RNF138: variants seen among roughly 807,000 people sequenced by gnomAD.
RNF138 encodes E3 ubiquitin-protein ligase RNF138.
A neutral mutation model predicts 31.0 loss-of-function variants in RNF138; 12 were observed. The observed-to-expected ratio is 0.39, with a 90% CI of 0.25 to 0.63. The LOEUF is 0.63. RNF138 is among the 20% of genes least tolerant of loss of function. The pLI, the probability that RNF138 is intolerant of heterozygous loss-of-function variation, is 0.52. For synonymous variants in RNF138, 105 were observed against 99.5 expected (o/e 1.06, Z -0.33); for missense variants, 192 against 300.1 (o/e 0.64, Z 2.66).
At chr18:32,109,642 CTT>C (rs1397900080) in intron 2 of RNF138, 1 of 152,234 alleles carries the variant, frequency 6.6e-6, no homozygotes, top group Non-Finnish European at 1.5e-5. Flanking sequence ...AATCCCAACA[CTT>C]TGGGAGGCTG....
intron 4 of RNF138, among the ~76,000 whole-genome samples, chr18:32,117,836 A>G (rs1456074158): frequency 6.6e-6 from 1 of 152,212 alleles, no homozygotes; most frequent in Non-Finnish European, 1.5e-5. Flanking sequence ...GGCCATTCCT[A>G]TTTTATAACA....
At chr18:32,095,949 C>T (rs2144559461) in intron 2 of RNF138, among the ~76,000 whole-genome samples, 1 of 152,196 alleles carries the variant, frequency 6.6e-6, no homozygotes, top group South Asian at 2.1e-4. Flanking sequence ...GGGATAATTT[C>T]CTAGATGAAG....
Position 32,094,851 on chromosome 18 carries a change from A to G in RNF138, c.110+1965A>G, listed in dbSNP as rs565195457. ...TAATTATCCTTTGGGTCATTGACCT[A>G]ATGGGCCTCATTGTAGTTTTTAGCA... On this transcript the variant is annotated intron_variant, in intron 2 of 7. Coordinates refer to ENST00000261593, the MANE Select transcript of RNF138 (RefSeq NM_016271.5). Among the ~76,000 whole-genome samples, 14 of 152,240 alleles carry G rather than the reference A, an allele frequency of 9.2e-5. No individual in the cohort carries two copies. The South Asian group carries it at 2.9e-3, about 32-fold the overall frequency.
intron 6 of RNF138, 91 bp from the exon 7 acceptor site, chr18:32,126,602 T>C: frequency 1.4e-6 from 1 of 738,746 alleles, no homozygotes; most frequent in Non-Finnish European, 2.2e-6. Flanking sequence ...ATATTTTTGG[T>C]AACATATCCC....
intron 2 of RNF138, among the ~76,000 whole-genome samples, chr18:32,111,291 T>C (rs2040125058): frequency 6.6e-6 from 1 of 152,210 alleles, no homozygotes; most frequent in Admixed American, 6.5e-5. Flanking sequence ...TTATGTCTTG[T>C]GGAACAACAT....
chr18:32,104,233 G>A (rs1045917533), intron 2 of RNF138, among the ~76,000 whole-genome samples: 34 of 151,502 alleles, frequency 2.2e-4, no homozygotes, highest in Admixed American at 4.0e-4. Flanking sequence ...GGTTGGTCTC[G>A]AACTCCTGAG....
At chr18:32,111,656 A>T in intron 2 of RNF138, 98 bp from the exon 3 acceptor site, 1 of 983,178 alleles carries the variant, frequency 1.0e-6, no homozygotes, top group Non-Finnish European at 1.5e-6. Context: ...TAACTTATTT[A>T]ATATGAATAC....
intron 4 of RNF138, among the ~76,000 whole-genome samples, chr18:32,119,196 A>AT (rs978638913): frequency 1.4e-4 from 21 of 152,020 alleles, no homozygotes; most frequent in Admixed American, 1.4e-3. Flanking sequence ...CTGCATCCTG[A>AT]TTTTTTCTGG....
intron 7 of RNF138, among the ~76,000 whole-genome samples, chr18:32,128,459 G>T (rs1319377136): frequency 6.6e-6 from 1 of 151,796 alleles, no homozygotes; most frequent in Admixed American, 6.6e-5. Flanking sequence ...AATTGCTTGA[G>T]CCCAGGAGGT....
At chr18:32,101,947 G>A (rs2039947615) in intron 2 of RNF138, among the ~76,000 whole-genome samples, 1 of 151,964 alleles carries the variant, frequency 6.6e-6, no homozygotes, top group African/African-American at 2.4e-5. Flanking sequence ...CATAATCACG[G>A]CTTACTGCAG....
intron 2 of RNF138, among the ~76,000 whole-genome samples, chr18:32,097,233 C>T (rs2144562407): frequency 1.3e-5 from 2 of 152,284 alleles, no homozygotes; most frequent in South Asian, 4.1e-4. Flanking sequence ...AATTCTTGTA[C>T]ATGGCAGAAG....
At chr18:32,093,528 T>C (rs1258669298) in intron 2 of RNF138, among the ~76,000 whole-genome samples, 1 of 152,232 alleles carries the variant, frequency 6.6e-6, no homozygotes, top group Non-Finnish European at 1.5e-5. Flanking sequence ...CTCTGGTCTC[T>C]TAAAACTGAC....
At chr18:32,105,045 TATTAA>T (rs2040006197) in intron 2 of RNF138, among the ~76,000 whole-genome samples, 1 of 152,154 alleles carries the variant, frequency 6.6e-6, no homozygotes, top group Admixed American at 6.5e-5. Context: ...GTGAAAGTAT[TATTAA>T]ATTAAAAATA....
chr18:32,096,305 T>C (rs1233464813), intron 2 of RNF138, among the ~76,000 whole-genome samples: 2 of 152,160 alleles, frequency 1.3e-5, no homozygotes, highest in African/African-American at 4.8e-5. Context: ...CGGTCATTCA[T>C]TGATGTGTCA....
intron 4 of RNF138, among the ~76,000 whole-genome samples, chr18:32,121,758 C>T (rs2144277144): frequency 6.6e-6 from 1 of 152,142 alleles, no homozygotes; most frequent in South Asian, 2.1e-4. Flanking sequence ...GTAACAAAAT[C>T]ATGTAACCAC....
intron 3 of RNF138, among the ~76,000 whole-genome samples, chr18:32,113,416 A>G (rs750489572): frequency 1.3e-4 from 20 of 152,134 alleles, no homozygotes; most frequent in Non-Finnish European, 2.6e-4. Flanking sequence ...AAGTTAAATA[A>G]TAAGACATGC....
chr18:32,104,240 T>C (rs1001752144), intron 2 of RNF138, among the ~76,000 whole-genome samples: 7 of 152,004 alleles, frequency 4.6e-5, no homozygotes, highest in Admixed American at 1.3e-4. Flanking sequence ...CTCGAACTCC[T>C]GAGGTCAAAT....
At chr18:32,116,514 G>T (rs1040385643) in intron 4 of RNF138, among the ~76,000 whole-genome samples, 125 of 149,402 alleles carry the variant, frequency 8.4e-4, no homozygotes, top group African/African-American at 2.9e-3. Context: ...GGAAGGAAAA[G>T]CTTTTTTTTT....
intron 2 of RNF138, chr18:32,109,467 T>TCATG (rs1287394244): frequency 6.6e-6 from 1 of 152,158 alleles, no homozygotes; most frequent in Non-Finnish European, 1.5e-5. Context: ...AGAGACAGGG[T>TCATG]CATGCTGTGT....
Sources: allele counts gnomAD v4.1 joint callset (sites outside exome capture counted in the v4.1 genomes callset), GRCh38; gene constraint gnomAD v4.1.1; transcripts MANE v1.5; gene names NCBI Gene and HGNC (gene_info 2026-07-23, HGNC 2026-07-21).